UBE2K: variants seen among roughly 807,000 people sequenced by gnomAD.
The protein encoded by UBE2K is ubiquitin conjugating enzyme E2 K, also known as ubiquitin-conjugating enzyme E2 K.
A neutral mutation model predicts 30.0 loss-of-function variants in UBE2K; 6 were observed. The observed-to-expected ratio is 0.20, with a 90% CI of 0.11 to 0.39. The LOEUF is 0.39. UBE2K is among the 10% of genes least tolerant of loss of function. The pLI is 1.00. For missense variants in UBE2K, 61 were observed against 241.6 expected (o/e 0.25, Z 4.96); for synonymous variants, 86 against 83.7 (o/e 1.03, Z -0.15).
intron 1 of UBE2K, among the ~76,000 whole-genome samples, chr4:39,707,903 A>G (rs1367687495): frequency 6.7e-6 from 1 of 149,776 alleles, no homozygotes; most frequent in East Asian, 2.0e-4. Context: ...TAATATTGCA[A>G]TTTTTTTTTT....
At chr4:39,732,899 T>C (rs567194827) in intron 1 of UBE2K, among the ~76,000 whole-genome samples, 27 of 151,814 alleles carry the variant, frequency 1.8e-4, no homozygotes, top group Non-Finnish European at 3.1e-4. Context: ...TGGTCTCAAG[T>C]TTCTTGCCTC....
intron 3 of UBE2K, among the ~76,000 whole-genome samples, chr4:39,748,295 C>T (rs898293950): frequency 3.3e-5 from 5 of 152,176 alleles, no homozygotes; most frequent in African/African-American, 1.2e-4. Context: ...CATGCACAGT[C>T]ATAGCTTAGT....
intron 4 of UBE2K, chr4:39,770,678 A>G: frequency 6.4e-7 from 1 of 1,573,670 alleles, no homozygotes; most frequent in East Asian, 2.2e-5. Flanking sequence ...GTGGGGCCAC[A>G]GTGCTGGGGG....
At chr4:39,745,867 CATTTT>C in intron 3 of UBE2K, 57 bp downstream of exon 3, 1 of 1,286,260 alleles carries the variant, frequency 7.8e-7, no homozygotes, top group Non-Finnish European at 1.1e-6. Flanking sequence ...TTTCTGACCT[CATTTT>C]ATTAATATAT....
chr4:39,776,614 C>G (rs144787627), intron 5 of UBE2K, among the ~76,000 whole-genome samples: 8 of 152,220 alleles, frequency 5.3e-5, no homozygotes, highest in African/African-American at 1.7e-4. Context: ...TTTCCTCTGC[C>G]TGAGGAAACT....
intron 1 of UBE2K, among the ~76,000 whole-genome samples, chr4:39,704,241 G>A (rs1718204992): frequency 6.6e-6 from 1 of 151,956 alleles, no homozygotes; most frequent in East Asian, 1.9e-4. Flanking sequence ...GGGTGACAGA[G>A]CAACACACTG....
At chr4:39,767,706 G>A (rs914004161) in intron 4 of UBE2K, among the ~76,000 whole-genome samples, 1 of 152,106 alleles carries the variant, frequency 6.6e-6, no homozygotes, top group East Asian at 1.9e-4. Flanking sequence ...TGAAGGACTT[G>A]CAAGATTTAG....
intron 2 of UBE2K, 69 bp downstream of exon 2, chr4:39,737,582 A>G (rs1018832545): frequency 2.1e-6 from 2 of 974,204 alleles, no homozygotes; most frequent in East Asian, 2.8e-5. Context: ...AATCAGAATA[A>G]TCTTAAACAT....
intron 1 of UBE2K, among the ~76,000 whole-genome samples, chr4:39,699,688 TA>T (rs1477471916): frequency 6.6e-6 from 1 of 152,222 alleles, no homozygotes; most frequent in Non-Finnish European, 1.5e-5. Context: ...GTTAGTACTT[TA>T]ATAGTGTCAA....
chr4:39,712,786 A>T (rs1179029830), intron 1 of UBE2K, among the ~76,000 whole-genome samples: 1 of 149,656 alleles, frequency 6.7e-6, no homozygotes, highest in Admixed American at 6.7e-5. Flanking sequence ...TCTAATTTTT[A>T]CTTCCCTAGT....
intron 1 of UBE2K, among the ~76,000 whole-genome samples, chr4:39,737,127 A>T (rs1391122296): frequency 1.3e-5 from 2 of 152,238 alleles, no homozygotes; most frequent in African/African-American, 2.4e-5. Flanking sequence ...ATTGGCAAAC[A>T]TAAAATAGCT....
At chr4:39,761,188 A>G (rs1467987869) in intron 4 of UBE2K, 1 of 151,958 alleles carries the variant, frequency 6.6e-6, no homozygotes, top group Admixed American at 6.5e-5. Flanking sequence ...CGTGAACCAG[A>G]CAAGGTTGGA....
At chr4:39,745,701 A>C (rs1229226159) in intron 2 of UBE2K, 51 bp from the exon 3 acceptor site, 1 of 1,229,808 alleles carries the variant, frequency 8.1e-7, no homozygotes, top group Non-Finnish European at 1.2e-6. Context: ...TATTTGTCTT[A>C]TATATTTGAA....
intron 1 of UBE2K, among the ~76,000 whole-genome samples, chr4:39,707,711 G>C (rs1013862876): frequency 1.3e-5 from 2 of 151,144 alleles, no homozygotes; most frequent in African/African-American, 4.9e-5. Context: ...GTAGAGATGG[G>C]GTCTCATTGT....
At chr4:39,727,068 A>G (rs566196010) in intron 1 of UBE2K, among the ~76,000 whole-genome samples, 1 of 152,368 alleles carries the variant, frequency 6.6e-6, no homozygotes, top group African/African-American at 2.4e-5. Flanking sequence ...ATTTTTGAAT[A>G]TGTAATGACA....
intron 3 of UBE2K, among the ~76,000 whole-genome samples, chr4:39,752,188 A>T (rs1456867021): frequency 6.6e-6 from 1 of 152,158 alleles, no homozygotes; most frequent in Non-Finnish European, 1.5e-5. Flanking sequence ...GCTGGAGTGC[A>T]GTGGCACGAT....
intron 1 of UBE2K, among the ~76,000 whole-genome samples, chr4:39,702,632 A>G (rs867473664): frequency 5.3e-5 from 8 of 152,102 alleles, no homozygotes; most frequent in African/African-American, 1.4e-4. Context: ...TATATAGTAC[A>G]TTAAGTTTTC....
intron 2 of UBE2K, among the ~76,000 whole-genome samples, chr4:39,740,403 G>A (rs1444825864): frequency 6.6e-6 from 1 of 152,148 alleles, no homozygotes. Flanking sequence ...TTAGCCGGGC[G>A]AGGTGGTGGG....
chr4:39,765,558 G>A lies in UBE2K; in HGVS notation c.300-9276G>A, dbSNP rs28361492. ...AGCAGGGCCAGGCGCAGTGGCTCAC[G>A]CGTATAATCCCAGCACTTTGGGAGG... On this transcript the variant is annotated intron_variant, in intron 4 of 6. Coordinates refer to ENST00000261427, the MANE Select transcript of UBE2K (RefSeq NM_005339.5). Among the ~76,000 whole-genome samples, 916 of 150,978 alleles carry A rather than the reference G, an allele frequency of 6.1e-3. 7 individuals carry two copies. The highest frequency in any genetic ancestry group is 0.021 in the African/African-American group (861 of 41,078).
Sources: allele counts gnomAD v4.1 joint callset (sites outside exome capture counted in the v4.1 genomes callset), GRCh38; gene constraint gnomAD v4.1.1; transcripts MANE v1.5; gene names NCBI Gene and HGNC (gene_info 2026-07-23, HGNC 2026-07-21).